The following WWP2 variants were observed in gnomAD, a reference collection of about 807,000 sequenced individuals.
The protein encoded by WWP2 is NEDD4-like E3 ubiquitin-protein ligase WWP2.
Under a neutral mutation model 121.0 loss-of-function variants are expected in WWP2, and 57 were observed. The observed-to-expected ratio is 0.47, with a 90% CI of 0.38 to 0.59. WWP2 has a LOEUF of 0.59. WWP2 is among the 20% of genes least tolerant of loss of function. WWP2 has a pLI of 0.00. For missense variants in WWP2, 962 were observed against 1,158.9 expected (o/e 0.83, Z 2.47); for synonymous variants, 449 against 441.3 (o/e 1.02, Z -0.22).
intron 1 of WWP2, among the ~76,000 whole-genome samples, chr16:69,773,040 C>T (rs138515100): frequency 2.6e-4 from 40 of 152,094 alleles, no homozygotes; most frequent in East Asian, 1.2e-3. Flanking sequence ...GTGTAGTCTG[C>T]TCTGTGTATT....
chr16:69,787,829 A>C (rs2055824839), intron 2 of WWP2: 1 of 152,214 alleles, frequency 6.6e-6, no homozygotes, highest in South Asian at 2.1e-4. Flanking sequence ...TCTATAGCTG[A>C]GGTCCTGGTT....
intron 7 of WWP2, among the ~76,000 whole-genome samples, chr16:69,886,370 A>G (rs985724172): frequency 1.3e-5 from 2 of 152,038 alleles, no homozygotes; most frequent in Admixed American, 1.3e-4. Context: ...GTATCTAGGT[A>G]TCCGGCCTAG....
chr16:69,910,670 A>G (rs1025538409), intron 9 of WWP2, among the ~76,000 whole-genome samples: 2 of 152,066 alleles, frequency 1.3e-5, no homozygotes, highest in Non-Finnish European at 2.9e-5. Context: ...TTGCCTCCCA[A>G]AGTGCTGGGA....
At chr16:69,932,159 G>A (rs1247066326) in intron 16 of WWP2, among the ~76,000 whole-genome samples, 1 of 152,192 alleles carries the variant, frequency 6.6e-6, no homozygotes, top group Non-Finnish European at 1.5e-5. Flanking sequence ...GAGAAACCCC[G>A]TCTCTATTAA....
At chr16:69,849,482 T>TATTCATTCATTCATTC (rs10632935) in intron 6 of WWP2, among the ~76,000 whole-genome samples, 2,801 of 149,640 alleles carry the variant, frequency 0.019, 41 homozygotes, top group Non-Finnish European at 0.022. Flanking sequence ...TTTATTTATT[T>TATTCATTCATTCATTC]ATTCATTCAT....
intron 10 of WWP2, among the ~76,000 whole-genome samples, chr16:69,918,754 C>T (rs4985456): frequency 0.66 from 101,048 of 152,074 alleles, 34,032 homozygotes; most frequent in East Asian, 0.96. Context: ...AGTCTTCAAA[C>T]GTTACTGTCA....
In WWP2 at chr16:69,908,465, T is replaced by A. The variant is rs200585482; in HGVS notation, c.915-296T>A. 1.3e-3 allele frequency among the ~76,000 whole-genome samples: 198 copies of A among 152,282 alleles called. 3 individuals are homozygous for A. Among genetic ancestry groups the A allele is most frequent in the African/African-American group, 2.2e-3 (92 of 41,566 alleles). Reference sequence around the variant, plus strand: ...ATGGTGGAGAAATGCTGAATTTTTTTAAAAAATCCATGGAATATATATTCC... The same window carrying A: ...ATGGTGGAGAAATGCTGAATTTTTTAAAAAAATCCATGGAATATATATTCC... On this transcript the variant is annotated intron_variant, in intron 8 of 23. Transcript: ENST00000359154.
chr16:69,777,177 CAT>C lies in WWP2; in HGVS notation c.-15-9816_-15-9815del, dbSNP rs766197151. ...TATACAATACACATATGGATATACA[CAT>C]ATGTGTATATACAATATACATATGG... On this transcript the variant is annotated intron_variant, in intron 1 of 23. Transcript: ENST00000359154. Among the ~76,000 whole-genome samples, 44 of 151,016 alleles carry C rather than the reference CAT, an allele frequency of 2.9e-4. 2 individuals carry two copies. Among genetic ancestry groups the C allele is most frequent in the East Asian group, 5.9e-4 (3 of 5,108 alleles).
chr16:69,865,522 C>T (rs749534450), intron 6 of WWP2, among the ~76,000 whole-genome samples: 1 of 152,078 alleles, frequency 6.6e-6, no homozygotes, highest in Non-Finnish European at 1.5e-5. Context: ...GGGGGGGTAC[C>T]ATAACCTGCA....
chr16:69,821,749 A>T (rs1352218112), intron 4 of WWP2, among the ~76,000 whole-genome samples: 1 of 127,078 alleles, frequency 7.9e-6, no homozygotes, highest in Non-Finnish European at 1.6e-5. Flanking sequence ...TTTTGTAGAG[A>T]TGTAGTCTCA....
intron 12 of WWP2, 43 bp downstream of exon 12, chr16:69,929,572 T>G (rs771460577): frequency 3.8e-6 from 6 of 1,565,076 alleles, no homozygotes; most frequent in Non-Finnish European, 5.3e-6. Context: ...GGGCTGGGTC[T>G]CTGTGCAGCT....
intron 7 of WWP2, among the ~76,000 whole-genome samples, chr16:69,880,231 G>T (rs55921818): frequency 1.3e-5 from 2 of 151,606 alleles, no homozygotes; most frequent in East Asian, 3.9e-4. Context: ...GGATCCTATT[G>T]TCACAAAGAC....
At chr16:69,867,759 A>G in intron 6 of WWP2, among the ~76,000 whole-genome samples, 1 of 152,172 alleles carries the variant, frequency 6.6e-6, no homozygotes, top group Non-Finnish European at 1.5e-5. Context: ...ACTTAAAACC[A>G]TTTGTGGAGT....
At chr16:69,909,217 G>A in intron 9 of WWP2, 1 of 1,005,000 alleles carries the variant, frequency 1.0e-6, no homozygotes, top group Non-Finnish European at 1.2e-6. Context: ...TCCAAGAGAG[G>A]GAAGACTGTC....
At chr16:69,903,100 G>C (rs913737269) in intron 8 of WWP2, among the ~76,000 whole-genome samples, 1 of 152,142 alleles carries the variant, frequency 6.6e-6, no homozygotes, top group African/African-American at 2.4e-5. Context: ...CAGTTGAGGG[G>C]GTTCATAGAA....
At chr16:69,816,800 TAC>T (rs1052328420) in intron 4 of WWP2, among the ~76,000 whole-genome samples, 2 of 152,086 alleles carry the variant, frequency 1.3e-5, no homozygotes, top group African/African-American at 4.8e-5. Context: ...CACACATATA[TAC>T]ACACATGCAC....
intron 5 of WWP2, among the ~76,000 whole-genome samples, chr16:69,840,927 G>A (rs760012222): frequency 3.9e-5 from 6 of 152,222 alleles, no homozygotes; most frequent in Non-Finnish European, 8.8e-5. Flanking sequence ...TCAAAGGGGT[G>A]CAATTTGAAT....
intron 1 of WWP2, among the ~76,000 whole-genome samples, chr16:69,764,628 C>G (rs2038689029): frequency 6.6e-6 from 1 of 152,166 alleles, no homozygotes; most frequent in Admixed American, 6.5e-5. Context: ...CCATAGCTTC[C>G]TCTTCCTGGG....
chr16:69,770,503 G>A (rs1002757108), intron 1 of WWP2, among the ~76,000 whole-genome samples: 8 of 152,092 alleles, frequency 5.3e-5, no homozygotes, highest in African/African-American at 1.9e-4. Context: ...CTCGCCCTAC[G>A]TCTCTTCATT....
Sources: allele counts gnomAD v4.1 joint callset (sites outside exome capture counted in the v4.1 genomes callset), GRCh38; gene constraint gnomAD v4.1.1; transcripts MANE v1.5; gene names NCBI Gene and HGNC (gene_info 2026-07-23, HGNC 2026-07-21).